Variants in AJAP1 observed in about 807,000 individuals in gnomAD.
AJAP1 encodes adherens junctions associated protein 1, also known as adherens junction-associated protein 1.
In AJAP1, 5 loss-of-function variants were observed where a neutral mutation model predicts 35.0. The ratio of observed to expected loss-of-function variants is 0.14; its 90% CI spans 0.07 to 0.30. The LOEUF (loss-of-function observed/expected upper bound fraction) is 0.30. AJAP1 is among the 10% of genes least tolerant of loss of function. AJAP1 has a pLI of 1.00. For synonymous variants in AJAP1, 284 were observed against 249.3 expected, an observed-to-expected ratio of 1.14 and a Z score of -1.31; for missense variants, 586 against 571.0, an observed-to-expected ratio of 1.03 and a Z score of -0.27.
chr1:4,720,747 G>A lies in AJAP1; in HGVS notation c.829+8048G>A, dbSNP rs995141545. On this transcript the variant is annotated intron_variant, in intron 2 of 5. Coordinates refer to ENST00000378191, the MANE Select transcript of AJAP1 (RefSeq NM_018836.4). This position sits in a 1 kb window ranked among gnomAD's most constrained non-coding sequence, Gnocchi z 4.4. ...GGGTAATCGAATGGTGTTTGTGGTG[G>A]GAAAATGCCATTTGCTTTCTGTGAC... Among the ~76,000 whole-genome samples the A allele has an allele frequency of 2.6e-5, 4 of 152,164 alleles. No homozygotes were observed. Among genetic ancestry groups the A allele is most frequent in the African/African-American group, 9.7e-5 (4 of 41,438 alleles).
intron 2 of AJAP1, among the ~76,000 whole-genome samples, chr1:4,737,495 C>A (rs188180933): frequency 6.6e-6 from 1 of 151,870 alleles, no homozygotes; most frequent in South Asian, 2.1e-4. Flanking sequence ...CCCCCCGAGA[C>A]GGAAGCCCCC....
chr1:4,778,671 T>TAG (rs892577247), intron 5 of AJAP1, among the ~76,000 whole-genome samples: 11 of 149,284 alleles, frequency 7.4e-5, no homozygotes, highest in Non-Finnish European at 3.0e-5. Context: ...AGACACAGAG[T>TAG]AGAGAGAGAT....
chr1:4,694,300 G>A (rs1639810204), intron 1 of AJAP1, among the ~76,000 whole-genome samples: 1 of 152,200 alleles, frequency 6.6e-6, no homozygotes, highest in South Asian at 2.1e-4. Context: ...ATTGAGCAGA[G>A]TGGGTGCTTA....
chr1:4,734,556 C>T lies in AJAP1; in HGVS notation c.829+21857C>T, dbSNP rs988077107. ...TCAGTCTTCTCCACCATCCCTTGGG[C>T]GTATGGTATTTTACAAAGTAGGAAG... On this transcript the variant is annotated intron_variant, in intron 2 of 5. Coordinates refer to ENST00000378191, the MANE Select transcript of AJAP1 (RefSeq NM_018836.4). This position sits in a 1 kb window ranked among gnomAD's most constrained non-coding sequence, Gnocchi z 4.3. Among the ~76,000 whole-genome samples the T allele has an allele frequency of 5.3e-5, 8 of 152,100 alleles. No homozygotes were observed. The highest frequency in any genetic ancestry group is 4.6e-4 in the Admixed American group (7 of 15,266).
rs115643560 is a variant in AJAP1, at chr1:4,708,551, C to T, written c.30-3349C>T. On this transcript the variant is annotated intron_variant, in intron 1 of 5. Transcript: ENST00000378191. ...GAGCAGGATCAGTGAGAAGAGTATT[C>T]CCAGGCTCTGCCTCATCTCAGAGCC... Among the ~76,000 whole-genome samples the T allele has an allele frequency of 3.4e-3, 521 of 152,316 alleles. 1 individual carries two copies. The highest frequency in any genetic ancestry group is 5.2e-3 in the Non-Finnish European group (356 of 68,022).
intron 2 of AJAP1, among the ~76,000 whole-genome samples, chr1:4,748,244 C>G (rs1050336072): frequency 6.6e-6 from 1 of 152,128 alleles, no homozygotes; most frequent in Non-Finnish European, 1.5e-5. Flanking sequence ...GGCCTCTGTC[C>G]CATCTCAGCG....
chr1:4,727,493 TG>T (rs1343476803), intron 2 of AJAP1, among the ~76,000 whole-genome samples: 1 of 152,228 alleles, frequency 6.6e-6, no homozygotes, highest in African/African-American at 2.4e-5. Context: ...CTGTAGCACT[TG>T]GTCACTGATG....
intron 2 of AJAP1, among the ~76,000 whole-genome samples, chr1:4,748,747 CAAAAAAA>C (rs70955802): frequency 6.1e-5 from 6 of 98,296 alleles, no homozygotes; most frequent in Admixed American, 1.0e-4. Flanking sequence ...GACTCTGTCT[CAAAAAAA>C]AAAAAAAAAA....
intron 2 of AJAP1, among the ~76,000 whole-genome samples, chr1:4,722,243 G>T (rs1405412711): frequency 6.6e-6 from 1 of 152,232 alleles, no homozygotes; most frequent in South Asian, 2.1e-4. Flanking sequence ...CTGTGGCACA[G>T]AGGAGGCCCT....
At chr1:4,665,624 T>C (rs1356322131) in intron 1 of AJAP1, among the ~76,000 whole-genome samples, 2 of 151,924 alleles carry the variant, frequency 1.3e-5, no homozygotes, top group African/African-American at 4.8e-5. Flanking sequence ...ACGCAAGTGG[T>C]CCCCCGAGAG....
intron 1 of AJAP1, among the ~76,000 whole-genome samples, chr1:4,704,069 G>C (rs1361715960): frequency 6.6e-6 from 1 of 151,988 alleles, no homozygotes; most frequent in African/African-American, 2.4e-5. Context: ...ATAGTGCCCT[G>C]TTCCCCATCC....
intron 2 of AJAP1, among the ~76,000 whole-genome samples, chr1:4,758,505 G>A (rs542275881): frequency 7.2e-5 from 11 of 152,306 alleles, no homozygotes; most frequent in South Asian, 2.1e-4. Context: ...GAGAAATGCC[G>A]AGTGAAGCGG....
At position 4,785,437 on chromosome 1, in the gene AJAP1, C is replaced by G. The variant is rs1642145551; in HGVS notation, c.*2952C>G. 6.6e-6 allele frequency: 1 copy of G among 152,218 alleles called. No homozygotes were observed. Among genetic ancestry groups the G allele is most frequent in the South Asian group, 2.1e-4 (1 of 4,834 alleles). The allele number at this position is 152,218 out of a possible 1,614,324, so 9.4% of individuals were successfully genotyped here. A position where few individuals can be genotyped will look rare whatever the true frequency, so the allele number is the denominator to read the frequency against. Reference sequence around the variant, plus strand: ...CTTTACTTTTTTAAATGGTTACCTGCTCTCCCAGACCCCTCACCTGGGATT... The same window carrying G: ...CTTTACTTTTTTAAATGGTTACCTGGTCTCCCAGACCCCTCACCTGGGATT... On this transcript the variant is annotated 3_prime_UTR_variant, in exon 6 of 6. Coordinates refer to ENST00000378191, the MANE Select transcript of AJAP1 (RefSeq NM_018836.4).
intron 1 of AJAP1, among the ~76,000 whole-genome samples, chr1:4,689,823 C>T (rs1380105518): frequency 1.3e-5 from 2 of 152,220 alleles, no homozygotes; most frequent in African/African-American, 4.8e-5. Context: ...ACAGCCCCGC[C>T]AAGGCCGCCC....
intron 4 of AJAP1, 115 bp from the exon 5 acceptor site, chr1:4,774,312 A>G (rs1465502390): frequency 2.1e-6 from 2 of 953,380 alleles, no homozygotes; most frequent in Admixed American, 1.8e-5. Context: ...AGGAGTCCAC[A>G]TTAGTGCTTC....
Position 4,783,307 on chromosome 1 carries a change from A to G in AJAP1, c.*822A>G, listed in dbSNP as rs917088282. ...ACAGGTGAGCATGTTCTTTCTGGTGACCTGGTATTCCATCACCATTCACCC... is the reference window on the plus strand; with the variant it reads ...ACAGGTGAGCATGTTCTTTCTGGTGGCCTGGTATTCCATCACCATTCACCC... On this transcript the variant is annotated 3_prime_UTR_variant, in exon 6 of 6. Transcript: ENST00000378191. 6.6e-6 allele frequency: 1 copy of G among 151,762 alleles called. No individual in the cohort carries two copies. Among genetic ancestry groups the G allele is most frequent in the African/African-American group, 2.4e-5 (1 of 41,242 alleles). The allele number at this position is 151,762 out of a possible 1,614,324, so 9.4% of individuals were successfully genotyped here.
At chr1:4,722,924 A>G (rs1640555237) in intron 2 of AJAP1, among the ~76,000 whole-genome samples, 1 of 152,070 alleles carries the variant, frequency 6.6e-6, no homozygotes, top group South Asian at 2.1e-4. Flanking sequence ...GGCCGTCATG[A>G]GGATTTGGGG....
intron 1 of AJAP1, among the ~76,000 whole-genome samples, chr1:4,687,481 G>T (rs1639633171): frequency 6.6e-6 from 1 of 152,188 alleles, no homozygotes; most frequent in Non-Finnish European, 1.5e-5. Flanking sequence ...CTCTGGGCTG[G>T]GACCAAGACC....
At chr1:4,672,017 A>C (rs973654448) in intron 1 of AJAP1, among the ~76,000 whole-genome samples, 3 of 152,172 alleles carry the variant, frequency 2.0e-5, no homozygotes, top group African/African-American at 7.2e-5. Flanking sequence ...CGGGGCGCCT[A>C]TCAGCCTGGG....
Sources: allele counts gnomAD v4.1 joint callset (sites outside exome capture counted in the v4.1 genomes callset), GRCh38; gene constraint gnomAD v4.1.1; non-coding constraint Gnocchi (gnomAD v3.1); transcripts MANE v1.5; gene names NCBI Gene and HGNC (gene_info 2026-07-23, HGNC 2026-07-21).